Variants in MSI2 observed in about 807,000 individuals in gnomAD.
The protein encoded by MSI2 is RNA-binding protein Musashi homolog 2.
In MSI2, 17 loss-of-function variants were observed where a neutral mutation model predicts 45.6. The observed-to-expected ratio is 0.37, with a 90% CI of 0.26 to 0.56. MSI2 has a LOEUF of 0.56. Ranked by LOEUF, MSI2 falls within the 20% of genes least tolerant of loss-of-function variation. MSI2 has a pLI of 0.77. For synonymous variants in MSI2, 156 were observed against 158.2 expected (o/e 0.99, Z 0.11); for missense variants, 293 against 444.2 (o/e 0.66, Z 3.06).
chr17:57,370,332 A>G (rs1369560830), intron 5 of MSI2, among the ~76,000 whole-genome samples: 2 of 152,220 alleles, frequency 1.3e-5, no homozygotes, highest in African/African-American at 4.8e-5. Flanking sequence ...AGTGTGAATC[A>G]GCAAAGAGTA....
chr17:57,654,992 T>A (rs1488264969), intron 11 of MSI2, among the ~76,000 whole-genome samples: 4 of 144,828 alleles, frequency 2.8e-5, no homozygotes, highest in Non-Finnish European at 6.0e-5. Flanking sequence ...CTGAGGGCCG[T>A]GGGGTGGGAG....
At chr17:57,540,548 T>C (rs951643548) in intron 7 of MSI2, among the ~76,000 whole-genome samples, 1 of 151,892 alleles carries the variant, frequency 6.6e-6, no homozygotes, top group African/African-American at 2.4e-5. Flanking sequence ...TCTTTGGAGG[T>C]GTAATCGGGT....
At chr17:57,272,331 C>G (rs577422284) in intron 5 of MSI2, among the ~76,000 whole-genome samples, 12 of 152,304 alleles carry the variant, frequency 7.9e-5, no homozygotes, top group African/African-American at 2.9e-4. Flanking sequence ...TGGATACCTG[C>G]CGGAGCCTGG....
chr17:57,492,032 T>C (rs917404201), intron 6 of MSI2, among the ~76,000 whole-genome samples: 3 of 152,266 alleles, frequency 2.0e-5, no homozygotes, highest in East Asian at 3.8e-4. Context: ...ATCTTTCTTT[T>C]TTTGTTTAAA....
intron 11 of MSI2, among the ~76,000 whole-genome samples, chr17:57,658,550 C>T (rs1911766667): frequency 6.6e-6 from 1 of 152,164 alleles, no homozygotes; most frequent in Admixed American, 6.5e-5. Context: ...GCTTTCAGAC[C>T]AAACCTGTTG....
At chr17:57,422,734 A>G (rs535215788) in intron 6 of MSI2, among the ~76,000 whole-genome samples, 1 of 152,322 alleles carries the variant, frequency 6.6e-6, no homozygotes, top group East Asian at 1.9e-4. Context: ...CATTATATAA[A>G]TCAGTACAGC....
At chr17:57,518,398 G>C (rs2086514853) in intron 6 of MSI2, among the ~76,000 whole-genome samples, 1 of 152,072 alleles carries the variant, frequency 6.6e-6, no homozygotes, top group Non-Finnish European at 1.5e-5. Context: ...CAGGAGATGT[G>C]GATGATTTTT....
chr17:57,608,233 C>T (rs756826535), intron 8 of MSI2: 3 of 152,418 alleles, frequency 2.0e-5, no homozygotes, highest in Non-Finnish European at 2.9e-5. Flanking sequence ...TTCTTAAGGC[C>T]TTGCCCTCAC....
At chr17:57,621,670 G>A (rs1908302000) in intron 9 of MSI2, among the ~76,000 whole-genome samples, 1 of 152,234 alleles carries the variant, frequency 6.6e-6, no homozygotes, top group Non-Finnish European at 1.5e-5. Context: ...GAGGGAGGCT[G>A]ATAAGCATAT....
chr17:57,343,528 C>T (rs1915348077), intron 5 of MSI2, among the ~76,000 whole-genome samples: 1 of 152,086 alleles, frequency 6.6e-6, no homozygotes, highest in Non-Finnish European at 1.5e-5. Flanking sequence ...ACCCTCCACT[C>T]CTAAATACAT....
intron 10 of MSI2, chr17:57,630,010 C>G (rs2144616445): frequency 6.6e-6 from 1 of 152,434 alleles, no homozygotes; most frequent in African/African-American, 2.4e-5. Context: ...CCCGGGGCCC[C>G]CATGAGCTGG....
At chr17:57,659,192 T>C (rs1911817774) in intron 11 of MSI2, among the ~76,000 whole-genome samples, 1 of 152,152 alleles carries the variant, frequency 6.6e-6, no homozygotes, top group Non-Finnish European at 1.5e-5. Context: ...CCCAAGTAGT[T>C]GGAAATGTAG....
chr17:57,419,062 A>T (rs1466514876), intron 6 of MSI2, among the ~76,000 whole-genome samples: 1 of 152,200 alleles, frequency 6.6e-6, no homozygotes, highest in African/African-American at 2.4e-5. Context: ...AATTTACACA[A>T]ATTAGTCCAA....
chr17:57,646,878 A>G (rs1910706298), intron 10 of MSI2, among the ~76,000 whole-genome samples: 1 of 151,984 alleles, frequency 6.6e-6, no homozygotes, highest in South Asian at 2.1e-4. Context: ...ACACATTCCT[A>G]GTACCTAAGT....
intron 6 of MSI2, among the ~76,000 whole-genome samples, chr17:57,482,660 T>TG (rs1199278124): frequency 6.6e-6 from 1 of 152,178 alleles, no homozygotes; most frequent in Non-Finnish European, 1.5e-5. Context: ...ATGAGAAGTT[T>TG]GGGGTGGTCC....
chr17:57,379,271 C>T (rs200835089), intron 5 of MSI2, among the ~76,000 whole-genome samples: 10 of 152,020 alleles, frequency 6.6e-5, no homozygotes, highest in African/African-American at 1.7e-4. Flanking sequence ...CTCTACTACT[C>T]GATCTACTTT....
Position 57,616,095 on chromosome 17 carries a change from A to C in MSI2, c.652+11A>C. The C allele has an allele frequency of 8.1e-6, 13 of 1,609,512 alleles. No homozygotes were observed. Among genetic ancestry groups the C allele is most frequent in the Non-Finnish European group, 1.1e-5 (13 of 1,176,330 alleles). On this transcript the variant is annotated intron_variant, in intron 9 of 13. Transcript: ENST00000284073. ...GCATGGGGATGCTGGGTGAGTCTGGACAGGACCGCAGGTCACCATGGACTG... is the reference window on the plus strand; with the variant it reads ...GCATGGGGATGCTGGGTGAGTCTGGCCAGGACCGCAGGTCACCATGGACTG...
chr17:57,546,724 G>A (rs904648325), intron 7 of MSI2, among the ~76,000 whole-genome samples: 2 of 152,188 alleles, frequency 1.3e-5, no homozygotes, highest in Non-Finnish European at 2.9e-5. Context: ...CCCCAGGATG[G>A]CCAGGCTGTA....
intron 7 of MSI2, among the ~76,000 whole-genome samples, chr17:57,555,364 G>GTCTTCTGC (rs1344107224): frequency 3.9e-5 from 6 of 152,292 alleles, no homozygotes; most frequent in Non-Finnish European, 7.4e-5. Context: ...TGTGATTCTG[G>GTCTTCTGC]TCGTGCCAAG....
Sources: allele counts gnomAD v4.1 joint callset (sites outside exome capture counted in the v4.1 genomes callset), GRCh38; gene constraint gnomAD v4.1.1; transcripts MANE v1.5; gene names NCBI Gene and HGNC (gene_info 2026-07-23, HGNC 2026-07-21).